Variants in CALD1 observed in about 807,000 individuals in gnomAD.
CALD1 encodes caldesmon 1.
A neutral mutation model predicts 99.9 loss-of-function variants in CALD1; 33 were observed. The ratio of observed to expected loss-of-function variants is 0.33; its 90% confidence interval spans 0.25 to 0.44. The LOEUF is 0.44. Among genes scored for constraint, CALD1 ranks in the 20% least tolerant of loss-of-function variants. CALD1 has a pLI of 1.00. For synonymous variants in CALD1, 310 were observed against 325.0 expected, an observed-to-expected ratio of 0.95 and a Z score of 0.50; for missense variants, 861 against 962.1, an observed-to-expected ratio of 0.89 and a Z score of 1.39.
intron 9 of CALD1, among the ~76,000 whole-genome samples, chr7:134,954,193 C>T (rs1192570673): frequency 3.9e-5 from 6 of 152,094 alleles, no homozygotes; most frequent in Admixed American, 1.3e-4. Flanking sequence ...AAAGTCTGTA[C>T]CTAGTTTTTC....
chr7:134,898,392 C>A (rs1422602157), intron 3 of CALD1, among the ~76,000 whole-genome samples: 1 of 152,068 alleles, frequency 6.6e-6, no homozygotes, highest in Non-Finnish European at 1.5e-5. Flanking sequence ...CTTGGAGGGA[C>A]CATTTGTTCT....
At chr7:134,807,519 G>A (rs1339371920) in intron 1 of CALD1, among the ~76,000 whole-genome samples, 1 of 152,120 alleles carries the variant, frequency 6.6e-6, no homozygotes. Context: ...AGAATTGTAG[G>A]GTTCTGGCTC....
chr7:134,896,235 G>T (rs10279106), intron 3 of CALD1, among the ~76,000 whole-genome samples: 94,189 of 152,014 alleles, frequency 0.62, 29,548 homozygotes, highest in East Asian at 0.9. Context: ...ATCTTCGAGG[G>T]GCACCCTTTC....
chr7:134,729,785 T>C, the CALD1 span, among the ~76,000 whole-genome samples: 1 of 152,204 alleles, frequency 6.6e-6, no homozygotes, highest in Non-Finnish European at 1.5e-5. Flanking sequence ...CTTTGAGTGA[T>C]GCTTAAGGAG....
chr7:134,842,889 C>A (rs1344319184), intron 1 of CALD1, among the ~76,000 whole-genome samples: 3 of 152,112 alleles, frequency 2.0e-5, no homozygotes, highest in Non-Finnish European at 2.9e-5. Context: ...GAAATCTGAT[C>A]AAGAGGGAAG....
chr7:134,766,380 G>A (rs1040683870), intron 1 of CALD1, among the ~76,000 whole-genome samples: 4 of 151,556 alleles, frequency 2.6e-5, no homozygotes, highest in Non-Finnish European at 4.4e-5. Flanking sequence ...TCCTGACCTC[G>A]GGTGATCCAC....
At chr7:134,872,966 T>G (rs13229870) in intron 3 of CALD1, among the ~76,000 whole-genome samples, 32,221 of 152,004 alleles carry the variant, frequency 0.21, 4,610 homozygotes, top group African/African-American at 0.41. Flanking sequence ...GCAGATCACT[T>G]GAGGCCAGGA....
the CALD1 span, among the ~76,000 whole-genome samples, chr7:134,731,050 C>T: frequency 1.3e-5 from 2 of 152,120 alleles, no homozygotes; most frequent in African/African-American, 4.8e-5. Context: ...TGTTACAGCA[C>T]CTTCCTCCTC....
chr7:134,912,965 A>T (rs1803922004), intron 3 of CALD1, among the ~76,000 whole-genome samples: 1 of 152,034 alleles, frequency 6.6e-6, no homozygotes, highest in African/African-American at 2.4e-5. Flanking sequence ...ATCTTTGGGG[A>T]TTAAAAAAAT....
intron 3 of CALD1, among the ~76,000 whole-genome samples, chr7:134,902,659 T>C (rs968928743): frequency 1.3e-5 from 2 of 152,016 alleles, no homozygotes; most frequent in East Asian, 3.9e-4. Context: ...AAACTGAACA[T>C]CCAAGAGAAT....
intron 3 of CALD1, among the ~76,000 whole-genome samples, chr7:134,917,778 C>A (rs533990009): frequency 6.6e-6 from 1 of 152,236 alleles, no homozygotes; most frequent in Non-Finnish European, 1.5e-5. Context: ...CACATTTATA[C>A]CAGTTGAATC....
chr7:134,805,566 A>G (rs1302881509), intron 1 of CALD1, among the ~76,000 whole-genome samples: 1 of 151,932 alleles, frequency 6.6e-6, no homozygotes, highest in Non-Finnish European at 1.5e-5. Context: ...GTTTTCTATT[A>G]TTTGTGCTAG....
intron 1 of CALD1, among the ~76,000 whole-genome samples, chr7:134,771,530 C>G (rs1796877676): frequency 6.6e-6 from 1 of 152,180 alleles, no homozygotes; most frequent in African/African-American, 2.4e-5. Context: ...CTGCCCTAGC[C>G]CACAACAGCA....
intron 2 of CALD1, among the ~76,000 whole-genome samples, chr7:134,851,176 T>C (rs1395876875): frequency 6.6e-6 from 1 of 152,206 alleles, no homozygotes; most frequent in Admixed American, 6.5e-5. Context: ...GTTCTCCATT[T>C]TCCCATAAGC....
chr7:134,822,079 T>C (rs1289992105), intron 1 of CALD1: 3 of 152,222 alleles, frequency 2.0e-5, no homozygotes, highest in Non-Finnish European at 4.4e-5. Flanking sequence ...TCAATAAAAC[T>C]ATTGAGTCTA....
chr7:134,908,219 G>A (rs1043014711), intron 3 of CALD1, among the ~76,000 whole-genome samples: 1 of 152,114 alleles, frequency 6.6e-6, no homozygotes, highest in Non-Finnish European at 1.5e-5. Context: ...TAGTCATGGA[G>A]AGAACAAGGG....
chr7:134,838,328 T>C (rs1015995964), intron 1 of CALD1, among the ~76,000 whole-genome samples: 1 of 152,102 alleles, frequency 6.6e-6, no homozygotes, highest in Non-Finnish European at 1.5e-5. Context: ...TCAAGATACA[T>C]AGGGAAAATC....
chr7:134,960,457 G>A lies in CALD1; in HGVS notation c.2200-76G>A, dbSNP rs978869587. On this transcript the variant is annotated intron_variant, in intron 12 of 14. Coordinates refer to ENST00000361675, the MANE Select transcript of CALD1 (RefSeq NM_033138.4). ...GTGAAATCATACTTAATGATATTTT[G>A]AATTTGCTTTGAAAATTCCTTCCCA... 3.5e-6 allele frequency: 3 copies of A among 852,160 alleles called. No individual in the cohort carries two copies. In the African/African-American group the frequency reaches 5.0e-5, roughly 14 times the overall value. 52.8% of individuals were successfully genotyped at this position (852,160 alleles called of 1,614,324 possible). A position where few individuals can be genotyped will look rare whatever the true frequency, so the allele number is the denominator to read the frequency against.
intron 3 of CALD1, among the ~76,000 whole-genome samples, chr7:134,908,743 A>G (rs929626815): frequency 6.6e-6 from 1 of 152,152 alleles, no homozygotes; most frequent in South Asian, 2.1e-4. Context: ...TGCATCCTCT[A>G]TTGGATCATC....
Sources: gnomAD v4.1 joint callset for allele counts (sites outside exome capture counted in the v4.1 genomes callset) on GRCh38, gnomAD v4.1.1 for gene constraint, MANE v1.5 for transcripts, NCBI Gene and HGNC (gene_info 2026-07-23, HGNC 2026-07-21) for gene names.